Variants in ARHGEF26 observed in about 807,000 individuals in gnomAD.
ARHGEF26 encodes the protein Rho guanine nucleotide exchange factor (GEF) 26.
A neutral mutation model predicts 89.4 loss-of-function variants in ARHGEF26; 59 were observed. The ratio of observed to expected loss-of-function variants is 0.66; its 90% confidence interval spans 0.54 to 0.82. ARHGEF26 has a LOEUF of 0.82. Among genes scored for constraint, ARHGEF26 ranks in the 40% least tolerant of loss-of-function variants. ARHGEF26 has a pLI of 0.00. For synonymous variants in ARHGEF26, 500 were observed against 428.4 expected, an observed-to-expected ratio of 1.17 and a Z score of -2.06; for missense variants, 1,234 against 1,085.6, an observed-to-expected ratio of 1.14 and a Z score of -1.92.
rs1559866902 is a variant in ARHGEF26 at position 154,156,243 on chromosome 3, A to AG, written c.1487+3311_1487+3312insG. On this transcript the variant is annotated intron_variant, in intron 6 of 14. Coordinates refer to ENST00000465093, the MANE Select transcript of ARHGEF26 (RefSeq NM_015595.4). ...CAAATTCATAATTGGTTAACCTTGA[A>AG]ATAAGTCATTTTATTTAAAGTATAG... Among the ~76,000 whole-genome samples the AG allele has an allele frequency of 2.0e-5, 3 of 152,090 alleles. No homozygotes were observed. The South Asian group carries it at 6.2e-4, about 32-fold the overall frequency.
chr3:154,156,041 ATTATCT>A (rs1352103246), intron 6 of ARHGEF26, among the ~76,000 whole-genome samples: 7 of 152,046 alleles, frequency 4.6e-5, no homozygotes, highest in Non-Finnish European at 1.0e-4. Flanking sequence ...ATAAAGGATA[ATTATCT>A]TTAATGATAG....
At chr3:154,204,693 G>A (rs2108219229) in intron 9 of ARHGEF26, among the ~76,000 whole-genome samples, 1 of 152,138 alleles carries the variant, frequency 6.6e-6, no homozygotes. Flanking sequence ...TGCTTTTAGT[G>A]TATCACATAG....
Position 154,255,569 on chromosome 3 carries a change from A to G in ARHGEF26, c.*96A>G. ...TTTATTGTTAATTTTGTCACAGCCT[A>G]TTTAATTAAAAGAACGAAAACACTT... is the stretch of plus-strand genomic sequence containing the variant. On this transcript the variant is annotated 3_prime_UTR_variant, in exon 15 of 15. Transcript: ENST00000465093. 1 of 1,490,152 alleles carries G rather than the reference A, an allele frequency of 6.7e-7. No homozygotes were observed. Among genetic ancestry groups the G allele is most frequent in the Non-Finnish European group, 8.9e-7 (1 of 1,123,162 alleles). 92.3% of individuals were successfully genotyped at this position (1,490,152 alleles called of 1,614,324 possible). A position where few individuals can be genotyped will look rare whatever the true frequency, so the allele number is the denominator to read the frequency against.
chr3:154,177,335 TAAGAGGGTATAA>T (rs780207944), intron 6 of ARHGEF26, among the ~76,000 whole-genome samples: 5 of 152,228 alleles, frequency 3.3e-5, no homozygotes, highest in Non-Finnish European at 7.3e-5. Flanking sequence ...GAAAGCCTTG[TAAGAGGGTATAA>T]AAGCAAACTT....
intron 12 of ARHGEF26, among the ~76,000 whole-genome samples, chr3:154,250,342 G>A (rs1054509038): frequency 6.6e-6 from 1 of 151,784 alleles, no homozygotes; most frequent in African/African-American, 2.4e-5. Flanking sequence ...GCAGACTCTT[G>A]AAAGCCCCAG....
At chr3:154,137,338 G>T (rs1411980844) in intron 4 of ARHGEF26, among the ~76,000 whole-genome samples, 1 of 152,122 alleles carries the variant, frequency 6.6e-6, no homozygotes, top group African/African-American at 2.4e-5. Flanking sequence ...CCACTTCGGG[G>T]CTCTTCAGAG....
At chr3:154,227,925 A>G (rs1716591509) in intron 11 of ARHGEF26, among the ~76,000 whole-genome samples, 1 of 152,218 alleles carries the variant, frequency 6.6e-6, no homozygotes, top group Non-Finnish European at 1.5e-5. Context: ...TTAAACCAGT[A>G]CAGTGCAACT....
In ARHGEF26 at chr3:154,257,712, G is replaced by A. The variant is rs1235296323; in HGVS notation, c.*2239G>A. ...TTTCTATGGACACCTGCTCTGAATT[G>A]TACATTGACTTCATTACTAAAGAAC... On this transcript the variant is annotated 3_prime_UTR_variant, in exon 15 of 15. Transcript: ENST00000465093. 6.6e-6 allele frequency: 1 copy of A among 152,102 alleles called. No individual in the cohort carries two copies. Among genetic ancestry groups the A allele is most frequent in the African/African-American group, 2.4e-5 (1 of 41,414 alleles). The allele number at this position is 152,102 out of a possible 1,614,324, so 9.4% of individuals were successfully genotyped here.
In ARHGEF26 at chr3:154,206,467, G is replaced by A. The variant is rs374088417; in HGVS notation, c.1846-11402G>A. Among the ~76,000 whole-genome samples, 6 of 152,210 alleles carry A rather than the reference G, an allele frequency of 3.9e-5. No homozygotes were observed. In the South Asian group the frequency reaches 6.2e-4, roughly 16 times the overall value. On this transcript the variant is annotated intron_variant, in intron 9 of 14. Coordinates refer to ENST00000465093, the MANE Select transcript of ARHGEF26 (RefSeq NM_015595.4). ...AATTGCCAACATTCCTATACACCAA[G>A]AGTGGGCGATCCAAGAGCTAAATCA...
chr3:154,138,512 C>G (rs544363102), intron 4 of ARHGEF26, among the ~76,000 whole-genome samples: 1 of 152,120 alleles, frequency 6.6e-6, no homozygotes, highest in South Asian at 2.1e-4. Flanking sequence ...GTAGATCTGC[C>G]AATATTTATG....
chr3:154,192,198 A>G (rs1713996250), intron 8 of ARHGEF26, among the ~76,000 whole-genome samples: 1 of 152,182 alleles, frequency 6.6e-6, no homozygotes, highest in South Asian at 2.1e-4. Context: ...ATATTTTGTT[A>G]TGATTTTCCT....
intron 4 of ARHGEF26, among the ~76,000 whole-genome samples, chr3:154,139,482 C>T (rs1159429952): frequency 6.6e-6 from 1 of 152,160 alleles, no homozygotes; most frequent in African/African-American, 2.4e-5. Context: ...GAAGAGAAGG[C>T]TCAGGGATGT....
intron 10 of ARHGEF26, among the ~76,000 whole-genome samples, chr3:154,223,124 C>T (rs1449881435): frequency 6.6e-6 from 1 of 152,116 alleles, no homozygotes; most frequent in Non-Finnish European, 1.5e-5. Flanking sequence ...TGAATAAGCA[C>T]ATGGAGAAGT....
chr3:154,202,400 T>C (rs993386864), intron 9 of ARHGEF26, among the ~76,000 whole-genome samples: 2 of 152,178 alleles, frequency 1.3e-5, no homozygotes, highest in African/African-American at 4.8e-5. Flanking sequence ...CTGTTTTGGT[T>C]ACAGCCTTGT....
At chr3:154,239,318 G>A (rs1402939187) in intron 11 of ARHGEF26, among the ~76,000 whole-genome samples, 101 of 148,744 alleles carry the variant, frequency 6.8e-4, no homozygotes, top group African/African-American at 2.5e-3. Context: ...GTGTGTGTGT[G>A]TGTGTGTGTG....
intron 12 of ARHGEF26, among the ~76,000 whole-genome samples, chr3:154,242,672 A>C (rs1343032389): frequency 6.6e-6 from 1 of 152,212 alleles, no homozygotes; most frequent in Non-Finnish European, 1.5e-5. Flanking sequence ...TCTGCAGAGG[A>C]TAAAATACTA....
At chr3:154,123,261 G>C (rs1412884755) in intron 2 of ARHGEF26, among the ~76,000 whole-genome samples, 186 bp downstream of exon 2, 2 of 152,190 alleles carry the variant, frequency 1.3e-5, no homozygotes, top group Non-Finnish European at 2.9e-5. Flanking sequence ...GCCGAGTTTA[G>C]TGCAACTTTG....
rs569760029 is a variant in ARHGEF26 at position 154,191,276 on chromosome 3, T to G, written c.1641-13T>G. 146 of 1,591,684 alleles carry G rather than the reference T, an allele frequency of 9.2e-5. 2 individuals carry two copies. The South Asian group carries it at 1.6e-3, about 17-fold the overall frequency. On this transcript the variant is annotated splice_polypyrimidine_tract_variant and intron_variant, in intron 7 of 14. Transcript: ENST00000465093. ...AATATTTTGAAGTTTCTCTTTTCTT[T>G]GTTTTCCCTCAGAGCTACCAATCCA... is the stretch of plus-strand genomic sequence containing the variant.
intron 3 of ARHGEF26, among the ~76,000 whole-genome samples, chr3:154,127,472 C>CATCT (rs1718400482): frequency 6.6e-6 from 1 of 152,236 alleles, no homozygotes; most frequent in Admixed American, 6.5e-5. Context: ...CACTGTTCTC[C>CATCT]ATCTCAACAT....
Sources: gnomAD v4.1 joint callset for allele counts (sites outside exome capture counted in the v4.1 genomes callset) on GRCh38, gnomAD v4.1.1 for gene constraint, MANE v1.5 for transcripts, NCBI Gene and HGNC (gene_info 2026-07-23, HGNC 2026-07-21) for gene names.